The following EXOC2 variants were observed in gnomAD, a reference collection of about 807,000 sequenced individuals.
EXOC2 encodes the protein exocyst complex component 2.
In EXOC2, 70 loss-of-function variants were observed where a neutral mutation model predicts 131.8. That is an observed-to-expected ratio of 0.53 (90% CI 0.44 to 0.65). The LOEUF is 0.65. Ranked by LOEUF, EXOC2 falls within the 30% of genes least tolerant of loss-of-function variation. EXOC2 has a pLI of 0.00. For synonymous variants in EXOC2, 411 were observed against 398.4 expected, an observed-to-expected ratio of 1.03 and a Z score of -0.38; for missense variants, 923 against 1,108.6, an observed-to-expected ratio of 0.83 and a Z score of 2.38.
chr6:636,066 C>T (rs1488180817), intron 2 of EXOC2, among the ~76,000 whole-genome samples: 2 of 152,134 alleles, frequency 1.3e-5, no homozygotes, highest in South Asian at 2.1e-4. Flanking sequence ...CGTCTCAAAA[C>T]AAAAAACAAC....
At chr6:666,548 C>G (rs1763651565) in intron 1 of EXOC2, among the ~76,000 whole-genome samples, 1 of 96,506 alleles carries the variant, frequency 1.0e-5, no homozygotes, top group South Asian at 3.3e-4. Flanking sequence ...TTTTTCTGAG[C>G]AGTTTTATTA....
At chr6:522,442 G>A (rs1178237522) in intron 23 of EXOC2, among the ~76,000 whole-genome samples, 1 of 150,130 alleles carries the variant, frequency 6.7e-6, no homozygotes, top group African/African-American at 2.5e-5. Context: ...ACAGCAAGGT[G>A]TCTCTAGGTC....
chr6:627,580 G>A (rs1295845907), intron 4 of EXOC2, among the ~76,000 whole-genome samples: 1 of 152,150 alleles, frequency 6.6e-6, no homozygotes, highest in Non-Finnish European at 1.5e-5. Context: ...AGGGATTCCT[G>A]TCCACAGAAA....
At chr6:616,313 C>T (rs368638628) in intron 6 of EXOC2, among the ~76,000 whole-genome samples, 1 of 152,148 alleles carries the variant, frequency 6.6e-6, no homozygotes, top group East Asian at 1.9e-4. Flanking sequence ...CCTTCAAAAA[C>T]CTAACTTCTG....
chr6:597,658 C>T (rs1759893421), intron 10 of EXOC2, among the ~76,000 whole-genome samples: 2 of 152,172 alleles, frequency 1.3e-5, no homozygotes, highest in African/African-American at 4.8e-5. Flanking sequence ...CAGTGTGTGA[C>T]AGTATTCTGC....
intron 1 of EXOC2, among the ~76,000 whole-genome samples, chr6:649,498 G>C (rs935595171): frequency 6.6e-6 from 1 of 151,186 alleles, no homozygotes; most frequent in Non-Finnish European, 1.5e-5. Context: ...CATTACCAAA[G>C]AGAATTACTG....
intron 1 of EXOC2, among the ~76,000 whole-genome samples, chr6:682,199 C>CTT (rs10654916): frequency 8.2e-4 from 106 of 129,616 alleles, no homozygotes; most frequent in South Asian, 1.0e-3. Context: ...TTCCCAGTTT[C>CTT]TTTTTTTTTT....
chr6:534,788 G>A (rs1766339846), intron 22 of EXOC2, among the ~76,000 whole-genome samples: 1 of 152,216 alleles, frequency 6.6e-6, no homozygotes. Flanking sequence ...CAATAACTCT[G>A]AGTTCCCTCT....
chr6:556,417 A>G, intron 18 of EXOC2, 67 bp downstream of exon 18: 2 of 1,541,084 alleles, frequency 1.3e-6, no homozygotes, highest in East Asian at 2.3e-5. Flanking sequence ...GATGAGTCAA[A>G]AATTTACAAC....
intron 22 of EXOC2, among the ~76,000 whole-genome samples, chr6:545,663 G>C (rs1275851999): frequency 1.3e-5 from 2 of 152,214 alleles, no homozygotes; most frequent in African/African-American, 4.8e-5. Flanking sequence ...GATGAGATCA[G>C]CTTCCAAAAA....
intron 23 of EXOC2, among the ~76,000 whole-genome samples, chr6:505,867 T>C (rs1764519820): frequency 1.3e-5 from 2 of 152,230 alleles, no homozygotes; most frequent in African/African-American, 4.8e-5. Context: ...GCAAAGACCA[T>C]GTCTGTCTTG....
At chr6:686,257 C>T (rs1359856805) in intron 1 of EXOC2, among the ~76,000 whole-genome samples, 5 of 150,686 alleles carry the variant, frequency 3.3e-5, no homozygotes, top group South Asian at 2.1e-4. Flanking sequence ...CCGCCGCGCC[C>T]GGCCTCCTGG....
chr6:559,392 G>A (rs963186800), intron 17 of EXOC2, among the ~76,000 whole-genome samples: 2 of 152,110 alleles, frequency 1.3e-5, no homozygotes, highest in African/African-American at 4.8e-5. Context: ...ATTGATTCAC[G>A]TTTTCTCTTA....
chr6:655,492 T>C (rs1581636980), intron 1 of EXOC2, among the ~76,000 whole-genome samples: 1 of 152,256 alleles, frequency 6.6e-6, no homozygotes. Context: ...CTCTGAGACA[T>C]GCCTATATTT....
chr6:563,884 T>G, intron 16 of EXOC2, 149 bp downstream of exon 16: 1 of 1,157,538 alleles, frequency 8.6e-7, no homozygotes, highest in South Asian at 1.7e-5. Context: ...AAAAAACACT[T>G]ATTGAGCAGC....
Position 497,403 on chromosome 6 carries a change from C to T in EXOC2, c.2523G>A (p.Gln841=), listed in dbSNP as rs773997344. The stretch of plus-strand genomic sequence containing the variant: ...CATTTTTGCTGAAGGATGAAACACA[C>T]TGCATCAGTCGACTGAGCTCTTCAG... The part of the protein sequence containing the change: ...AVSEELSRLM[Q]CVSSFSKNGA... Residue 841 remains glutamine, a synonymous_variant, in exon 25 of 28, where the codon CAG becomes CAA. Transcript: ENST00000230449. 6.2e-7 allele frequency: 1 copy of T among 1,614,054 alleles called. No homozygotes were observed. The highest frequency in any genetic ancestry group is 2.2e-5 in the East Asian group (1 of 44,840).
At chr6:658,997 TTA>T (rs1763292669) in intron 1 of EXOC2, among the ~76,000 whole-genome samples, 2 of 152,192 alleles carry the variant, frequency 1.3e-5, no homozygotes, top group Admixed American at 1.3e-4. Context: ...ATCCTCCCAC[TTA>T]TTCAAACCAT....
chr6:507,315 A>G, intron 23 of EXOC2, among the ~76,000 whole-genome samples: 1 of 89,452 alleles, frequency 1.1e-5, no homozygotes, highest in African/African-American at 4.3e-5. Context: ...ACACACACAC[A>G]CACAAAGAAG....
At chr6:554,188 C>T (rs1332275581) in intron 20 of EXOC2, among the ~76,000 whole-genome samples, 1 of 152,030 alleles carries the variant, frequency 6.6e-6, no homozygotes, top group African/African-American at 2.4e-5. Flanking sequence ...ATTACAGGCG[C>T]CCGCCACCAT....
Sources: allele counts gnomAD v4.1 joint callset (sites outside exome capture counted in the v4.1 genomes callset), GRCh38; gene constraint gnomAD v4.1.1; transcripts MANE v1.5; gene names NCBI Gene and HGNC (gene_info 2026-07-23, HGNC 2026-07-21).